Variants in PDE11A observed in about 807,000 individuals in gnomAD.
PDE11A encodes the protein dual 3',5'-cyclic-AMP and -GMP phosphodiesterase 11A.
PDE11A carries 100 observed loss-of-function variants against 100.5 expected under a neutral mutation model. That is an observed-to-expected ratio of 1.00 (90% CI 0.85 to 1.18). The LOEUF (loss-of-function observed/expected upper bound fraction) is 1.18, where lower values mean the gene tolerates loss of function less well. Ranked by LOEUF, PDE11A falls within the 50% of genes most tolerant of loss-of-function variation. The probability of loss-of-function intolerance (pLI) is 0.00; values close to 1 mark genes in which losing one functional copy is unlikely to be tolerated. For missense variants in PDE11A, 1,141 were observed against 1,152.6 expected, an observed-to-expected ratio of 0.99 and a Z score of 0.15; for synonymous variants, 381 against 420.8, an observed-to-expected ratio of 0.91 and a Z score of 1.16.
rs930237926 is a variant in PDE11A, at chr2:177,628,057, T to C, written c.*1350A>G. ...GTCCAAACCCTGCTTATAATTCACA[T>C]AGGAATTCAGCTTTTTGACGTTTTA... On this transcript the variant is annotated 3_prime_UTR_variant, in exon 20 of 20. Transcript: ENST00000286063. 8 of 152,202 alleles carry C rather than the reference T, an allele frequency of 5.3e-5. No homozygotes were observed. The highest frequency in any genetic ancestry group is 1.2e-4 in the African/African-American group (5 of 41,454). The allele number at this position is 152,202 out of a possible 1,614,324, so 9.4% of individuals were successfully genotyped here. A position where few individuals can be genotyped will look rare whatever the true frequency, so the allele number is the denominator to read the frequency against.
intron 6 of PDE11A, among the ~76,000 whole-genome samples, chr2:177,823,000 A>G (rs1440350079): frequency 6.6e-6 from 1 of 152,166 alleles, no homozygotes; most frequent in Non-Finnish European, 1.5e-5. Flanking sequence ...TTCTTGCCAC[A>G]TGATCACGTC....
At chr2:177,933,007 C>A (rs961594110) in intron 2 of PDE11A, among the ~76,000 whole-genome samples, 1 of 151,860 alleles carries the variant, frequency 6.6e-6, no homozygotes. Context: ...AGTAGCATTT[C>A]TTTACACCAA....
chr2:177,871,517 CAGT>C (rs201823488), intron 5 of PDE11A, among the ~76,000 whole-genome samples: 59 of 144,846 alleles, frequency 4.1e-4, no homozygotes, highest in African/African-American at 1.5e-3. Flanking sequence ...AATGATGAGT[CAGT>C]AGTAAATTAT....
At position 177,906,348 on chromosome 2, in the gene PDE11A, A is replaced by C. The variant is rs1480056872; in HGVS notation, c.1072-1161T>G. 3.3e-5 allele frequency among the ~76,000 whole-genome samples: 5 copies of C among 152,206 alleles called. No individual in the cohort carries two copies. In the East Asian group the frequency reaches 9.6e-4, roughly 29 times the overall value. ...CTCAGGAAGCACTTGTGAAGCACCCAGGACATCCAGAAAAGAATCACCTGG... is the reference window on the plus strand; with the variant it reads ...CTCAGGAAGCACTTGTGAAGCACCCCGGACATCCAGAAAAGAATCACCTGG... On this transcript the variant is annotated intron_variant, in intron 2 of 19. Coordinates refer to ENST00000286063, the MANE Select transcript of PDE11A (RefSeq NM_016953.4).
upstream of PDE11A, among the ~76,000 whole-genome samples, chr2:178,075,843 A>G (rs1463836894): frequency 1.3e-5 from 2 of 152,162 alleles, no homozygotes; most frequent in African/African-American, 2.4e-5. Context: ...AAGAGGTCCC[A>G]CTAGGAAAGA....
At chr2:177,916,090 T>G (rs2105747961) in intron 2 of PDE11A, among the ~76,000 whole-genome samples, 1 of 152,354 alleles carries the variant, frequency 6.6e-6, no homozygotes, top group South Asian at 2.1e-4. Context: ...TTGGCTTCCA[T>G]GGACTATACA....
At chr2:177,744,091 G>A (rs2081913392) in intron 10 of PDE11A, among the ~76,000 whole-genome samples, 1 of 152,130 alleles carries the variant, frequency 6.6e-6, no homozygotes, top group African/African-American at 2.4e-5. Flanking sequence ...TAAAAGTCAA[G>A]ACCAAATGGG....
intron 13 of PDE11A, among the ~76,000 whole-genome samples, chr2:177,711,033 A>C (rs1298864336): frequency 6.6e-6 from 1 of 152,144 alleles, no homozygotes; most frequent in Non-Finnish European, 1.5e-5. Flanking sequence ...TTAACGGCAG[A>C]CTCTCAATAT....
At chr2:177,669,266 T>A (rs913234288) in intron 18 of PDE11A, among the ~76,000 whole-genome samples, 1 of 152,198 alleles carries the variant, frequency 6.6e-6, no homozygotes, top group Non-Finnish European at 1.5e-5. Context: ...TGCCTACTTG[T>A]CCCACTGTGG....
At chr2:177,767,058 A>T (rs2105498337) in intron 10 of PDE11A, among the ~76,000 whole-genome samples, 1 of 152,366 alleles carries the variant, frequency 6.6e-6, no homozygotes, top group Non-Finnish European at 1.5e-5. Flanking sequence ...TAGGCCAGGC[A>T]TGGTGGCTCA....
At chr2:177,906,165 TCACACACA>T (rs557104355) in intron 2 of PDE11A, among the ~76,000 whole-genome samples, 1 of 144,658 alleles carries the variant, frequency 6.9e-6, no homozygotes, top group African/African-American at 2.7e-5. Flanking sequence ...TGTCTCTCTC[TCACACACA>T]CACACACGCA....
intron 7 of PDE11A, among the ~76,000 whole-genome samples, chr2:177,819,744 A>G (rs1320631364): frequency 6.6e-6 from 1 of 152,054 alleles, no homozygotes; most frequent in Non-Finnish European, 1.5e-5. Flanking sequence ...AAAAGCACAG[A>G]TGTAAACACA....
intron 2 of PDE11A, among the ~76,000 whole-genome samples, chr2:177,971,719 T>C (rs1216789946): frequency 6.6e-6 from 1 of 152,030 alleles, no homozygotes; most frequent in Non-Finnish European, 1.5e-5. Flanking sequence ...TTATGTAAGG[T>C]CACCAGGGTA....
intron 1 of PDE11A, among the ~76,000 whole-genome samples, chr2:178,107,025 T>C (rs2087627465): frequency 6.6e-6 from 1 of 150,946 alleles, no homozygotes; most frequent in African/African-American, 2.4e-5. Flanking sequence ...ATGTTGCTAG[T>C]AATTCAGGAA....
chr2:177,890,498 T>C (rs1316335252), intron 4 of PDE11A, among the ~76,000 whole-genome samples: 1 of 152,222 alleles, frequency 6.6e-6, no homozygotes, highest in South Asian at 2.1e-4. Flanking sequence ...CTTCATCTTA[T>C]CTAATTTCTA....
chr2:177,711,684 A>G, intron 13 of PDE11A, 85 bp downstream of exon 13: 1 of 809,658 alleles, frequency 1.2e-6, no homozygotes, highest in South Asian at 1.4e-5. Context: ...GCCAGAAATT[A>G]ATGCTTTACT....
At position 177,875,998 on chromosome 2, in the gene PDE11A, T is replaced by C. The variant is rs1287097041; in HGVS notation, c.1303-75A>G. On this transcript the variant is annotated intron_variant, in intron 4 of 19. Transcript: ENST00000286063. ...GTTTAAAATAATGTAATAAACATTTTCATCTTTATAATGATTATAATACTT... is the reference window on the plus strand; with the variant it reads ...GTTTAAAATAATGTAATAAACATTTCCATCTTTATAATGATTATAATACTT... 5 of 867,296 alleles carry C rather than the reference T, an allele frequency of 5.8e-6. No homozygotes were observed. The East Asian group carries it at 1.3e-4, about 22-fold the overall frequency. The allele number at this position is 867,296 out of a possible 1,614,324, so 53.7% of individuals were successfully genotyped here.
At chr2:177,998,851 C>T in intron 2 of PDE11A, 1 of 609,794 alleles carries the variant, frequency 1.6e-6, no homozygotes, top group Non-Finnish European at 3.0e-6. Flanking sequence ...TCTCCAAGCC[C>T]ACTACCTGCA....
At chr2:177,931,511 C>A (rs1470737846) in intron 2 of PDE11A, among the ~76,000 whole-genome samples, 1 of 152,120 alleles carries the variant, frequency 6.6e-6, no homozygotes, top group Non-Finnish European at 1.5e-5. Context: ...CAAAACCACA[C>A]ACTTACATGG....
Sources: allele counts gnomAD v4.1 joint callset (sites outside exome capture counted in the v4.1 genomes callset), GRCh38; gene constraint gnomAD v4.1.1; transcripts MANE v1.5; gene names NCBI Gene and HGNC (gene_info 2026-07-23, HGNC 2026-07-21).